The following ENPP6 variants were observed in gnomAD, a reference collection of about 807,000 sequenced individuals.
ENPP6 encodes the protein glycerophosphocholine cholinephosphodiesterase ENPP6.
ENPP6 carries 32 observed loss-of-function variants against 42.0 expected under a neutral mutation model. The observed-to-expected ratio is 0.76, with a 90% CI of 0.58 to 1.02. The LOEUF is 1.02. ENPP6 is among the 50% of genes least tolerant of loss of function. The pLI is 0.00. For synonymous variants in ENPP6, 213 were observed against 216.0 expected (o/e 0.99, Z 0.12); for missense variants, 552 against 566.8 (o/e 0.97, Z 0.27).
chr4:184,143,118 G>A (rs552148695), intron 2 of ENPP6, among the ~76,000 whole-genome samples: 2 of 152,260 alleles, frequency 1.3e-5, no homozygotes, highest in Admixed American at 6.5e-5. Flanking sequence ...CTCCTTCTCC[G>A]AGGAGCTGGT....
intron 1 of ENPP6, among the ~76,000 whole-genome samples, chr4:184,188,699 T>C (rs1220166567): frequency 6.6e-6 from 1 of 152,126 alleles, no homozygotes; most frequent in Non-Finnish European, 1.5e-5. Context: ...GCAAGTCTTC[T>C]GAGAAAAGAT....
intron 2 of ENPP6, among the ~76,000 whole-genome samples, chr4:184,125,935 C>T (rs926009148): frequency 3.3e-5 from 5 of 152,146 alleles, no homozygotes; most frequent in African/African-American, 9.7e-5. Flanking sequence ...ATTGCTCTCT[C>T]AAAGCTATTT....
At chr4:184,212,653 G>C (rs1733131883) in intron 1 of ENPP6, among the ~76,000 whole-genome samples, 1 of 151,642 alleles carries the variant, frequency 6.6e-6, no homozygotes, top group African/African-American at 2.4e-5. Context: ...CATGAAAATG[G>C]CCATACTGCC....
At chr4:184,168,370 G>T (rs1446333699) in intron 1 of ENPP6, among the ~76,000 whole-genome samples, 1 of 152,194 alleles carries the variant, frequency 6.6e-6, no homozygotes, top group East Asian at 1.9e-4. Context: ...TTCTAGGGAG[G>T]GATGGGGCCG....
chr4:184,117,336 A>G (rs1326799007), intron 4 of ENPP6, among the ~76,000 whole-genome samples: 1 of 152,240 alleles, frequency 6.6e-6, no homozygotes, highest in Non-Finnish European at 1.5e-5. Flanking sequence ...TGGTTTGAGA[A>G]CTATCACGTG....
In ENPP6 at chr4:184,176,028, A is replaced by C. The variant is rs541133445; in HGVS notation, c.242-22295T>G. Among the ~76,000 whole-genome samples the C allele has an allele frequency of 1.4e-4, 22 of 152,200 alleles. No individual in the cohort carries two copies. The South Asian group carries it at 3.5e-3, about 24-fold the overall frequency. ...GATCTCACACTCCTGGCCTCAAGCAATCCTCCTGCCTCAGCCTCCCCAAAA... is the reference window on the plus strand; with the variant it reads ...GATCTCACACTCCTGGCCTCAAGCACTCCTCCTGCCTCAGCCTCCCCAAAA... On this transcript the variant is annotated intron_variant, in intron 1 of 7. Coordinates refer to ENST00000296741, the MANE Select transcript of ENPP6 (RefSeq NM_153343.4).
chr4:184,140,086 A>C (rs1736795430), intron 2 of ENPP6, among the ~76,000 whole-genome samples: 1 of 150,020 alleles, frequency 6.7e-6, no homozygotes, highest in Admixed American at 6.6e-5. Flanking sequence ...TGTGGTTTTG[A>C]TTTGCATTTC....
At chr4:184,147,083 T>A (rs1367799455) in intron 2 of ENPP6, among the ~76,000 whole-genome samples, 1 of 152,176 alleles carries the variant, frequency 6.6e-6, no homozygotes, top group Admixed American at 6.5e-5. Flanking sequence ...TCCGAATTGA[T>A]GTCCCTCTGC....
intron 6 of ENPP6, among the ~76,000 whole-genome samples, chr4:184,098,449 C>T (rs1195940656): frequency 6.6e-6 from 1 of 152,168 alleles, no homozygotes; most frequent in Non-Finnish European, 1.5e-5. Context: ...TCAGCAAATC[C>T]CAACTCCCTT....
intron 1 of ENPP6, among the ~76,000 whole-genome samples, chr4:184,212,199 C>T (rs1456308036): frequency 6.6e-6 from 1 of 151,878 alleles, no homozygotes; most frequent in African/African-American, 2.4e-5. Context: ...TGCCCTCTCT[C>T]ACCACTCCTA....
At chr4:184,194,690 G>C (rs80190267) in intron 1 of ENPP6, among the ~76,000 whole-genome samples, 1 of 152,196 alleles carries the variant, frequency 6.6e-6, no homozygotes, top group Non-Finnish European at 1.5e-5. Context: ...AACCTGTCCC[G>C]GGAGTGTAGG....
At chr4:184,117,956 C>T in intron 3 of ENPP6, 56 bp from the exon 4 acceptor site, 1 of 1,582,314 alleles carries the variant, frequency 6.3e-7, no homozygotes, top group Non-Finnish European at 8.6e-7. Context: ...AGCTTGCTCC[C>T]TTATCACCCC....
chr4:184,097,433 T>C (rs1579605511), intron 6 of ENPP6, 65 bp from the exon 7 acceptor site: 1 of 1,586,872 alleles, frequency 6.3e-7, no homozygotes, highest in Non-Finnish European at 8.6e-7. Context: ...GGGCATCTGC[T>C]CCAAGCCGCC....
intron 6 of ENPP6, among the ~76,000 whole-genome samples, chr4:184,107,314 A>G (rs1736113116): frequency 6.6e-6 from 1 of 152,228 alleles, no homozygotes; most frequent in Non-Finnish European, 1.5e-5. Context: ...GGACCTGTGG[A>G]GGCAGCCTGT....
chr4:184,138,675 C>A (rs985453959), intron 2 of ENPP6, among the ~76,000 whole-genome samples: 1 of 152,180 alleles, frequency 6.6e-6, no homozygotes, highest in African/African-American at 2.4e-5. Context: ...TAAAACTAAT[C>A]TTGCTCTTGG....
intron 7 of ENPP6, among the ~76,000 whole-genome samples, chr4:184,095,528 T>A (rs1735884932): frequency 6.6e-6 from 1 of 151,858 alleles, no homozygotes; most frequent in Admixed American, 6.6e-5. Flanking sequence ...GGCGTGGTGG[T>A]GGGCTCCAGG....
At chr4:184,197,223 T>C (rs2111112100) in intron 1 of ENPP6, among the ~76,000 whole-genome samples, 1 of 152,288 alleles carries the variant, frequency 6.6e-6, no homozygotes, top group Admixed American at 6.5e-5. Context: ...ATCTTCTACG[T>C]GGCTCCACCT....
chr4:184,206,477 C>T (rs1206064143), intron 1 of ENPP6, among the ~76,000 whole-genome samples: 10 of 147,806 alleles, frequency 6.8e-5, no homozygotes, highest in African/African-American at 2.3e-4. Flanking sequence ...AGGATGGTCT[C>T]GATCTCCTGA....
intron 6 of ENPP6, among the ~76,000 whole-genome samples, chr4:184,103,201 C>T (rs1279532525): frequency 1.3e-5 from 2 of 152,218 alleles, no homozygotes; most frequent in Non-Finnish European, 2.9e-5. Flanking sequence ...TCTCAAAGGC[C>T]GGCGCCCATG....
Sources: gnomAD v4.1 joint callset for allele counts (sites outside exome capture counted in the v4.1 genomes callset) on GRCh38, gnomAD v4.1.1 for gene constraint, MANE v1.5 for transcripts, NCBI Gene and HGNC (gene_info 2026-07-23, HGNC 2026-07-21) for gene names.